Variants in GABRB1 observed in about 807,000 individuals in gnomAD.
GABRB1 encodes the protein gamma-aminobutyric acid type A receptor subunit beta1, also known as gamma-aminobutyric acid receptor subunit beta-1.
A neutral mutation model predicts 51.6 loss-of-function variants in GABRB1; 17 were observed. The observed-to-expected ratio is 0.33, with a 90% CI of 0.23 to 0.49. The LOEUF (loss-of-function observed/expected upper bound fraction) is 0.49, where lower values mean the gene tolerates loss of function less well. Among genes scored for constraint, GABRB1 ranks in the 20% least tolerant of loss-of-function variants. The pLI is 0.99. For synonymous variants in GABRB1, 247 were observed against 218.9 expected (o/e 1.13, Z -1.14); for missense variants, 410 against 600.6 (o/e 0.68, Z 3.32).
rs151262351 is a variant in GABRB1, at chr4:47,055,634, G to A, written c.240+23150G>A. Among the ~76,000 whole-genome samples, 746 of 152,206 alleles carry A rather than the reference G, an allele frequency of 4.9e-3. 5 individuals carry two copies. Among genetic ancestry groups the A allele is most frequent in the Middle Eastern group, 0.01 (3 of 294 alleles). ...GGGAAGATGTCTCACTTGACACCTG[G>A]GCTTTATTTCTAGGGCCCAAATGGA... is the stretch of plus-strand genomic sequence containing the variant. On this transcript the variant is annotated intron_variant, in intron 3 of 8. Transcript: ENST00000295454.
At chr4:47,294,789 G>A (rs1231303693) in intron 4 of GABRB1, among the ~76,000 whole-genome samples, 12 of 152,190 alleles carry the variant, frequency 7.9e-5, no homozygotes, top group Middle Eastern at 3.2e-3. Context: ...ATCTGAGAAC[G>A]GGCAGACTGC....
chr4:47,329,831 A>G (rs534631797), intron 5 of GABRB1, among the ~76,000 whole-genome samples: 2 of 151,768 alleles, frequency 1.3e-5, no homozygotes, highest in South Asian at 2.1e-4. Flanking sequence ...GATAAGATAT[A>G]TATCTATATA....
At chr4:47,362,425 T>A (rs1726840567) in intron 5 of GABRB1, among the ~76,000 whole-genome samples, 1 of 152,174 alleles carries the variant, frequency 6.6e-6, no homozygotes, top group Admixed American at 6.5e-5. Context: ...AATTTATATC[T>A]GTAATGAGAG....
intron 5 of GABRB1, among the ~76,000 whole-genome samples, chr4:47,329,816 G>T (rs142761015): frequency 4.0e-5 from 6 of 151,430 alleles, no homozygotes; most frequent in African/African-American, 1.5e-4. Context: ...GATAGGTAAA[G>T]TACAGATAAG....
intron 4 of GABRB1, among the ~76,000 whole-genome samples, chr4:47,226,789 G>T (rs1389466726): frequency 6.6e-6 from 1 of 152,012 alleles, no homozygotes; most frequent in Admixed American, 6.6e-5. Flanking sequence ...AATAAAATTT[G>T]GTGAAAATTG....
intron 5 of GABRB1, among the ~76,000 whole-genome samples, chr4:47,329,106 T>G (rs1245598268): frequency 6.6e-6 from 1 of 152,118 alleles, no homozygotes; most frequent in Non-Finnish European, 1.5e-5. Context: ...CATGAGTAGT[T>G]CTATAAAAGT....
At chr4:47,169,585 T>A (rs1014401401) in intron 4 of GABRB1, among the ~76,000 whole-genome samples, 1 of 151,950 alleles carries the variant, frequency 6.6e-6, no homozygotes, top group African/African-American at 2.4e-5. Flanking sequence ...CACTGAAACC[T>A]CTGCCTCCCA....
chr4:47,257,500 TCA>T (rs944945364), intron 4 of GABRB1, among the ~76,000 whole-genome samples: 1 of 151,562 alleles, frequency 6.6e-6, no homozygotes, highest in Admixed American at 6.6e-5. Flanking sequence ...TCTTGAAATC[TCA>T]CAGTTTGACA....
chr4:47,039,534 T>G (rs960755452), intron 3 of GABRB1, among the ~76,000 whole-genome samples: 3 of 152,042 alleles, frequency 2.0e-5, no homozygotes, highest in Non-Finnish European at 4.4e-5. Context: ...ACTGTGGATT[T>G]GAAACATCCA....
At chr4:47,185,315 A>G (rs1166628293) in intron 4 of GABRB1, among the ~76,000 whole-genome samples, 1 of 151,870 alleles carries the variant, frequency 6.6e-6, no homozygotes, top group Non-Finnish European at 1.5e-5. Context: ...GCTCTCCCAG[A>G]AAAAGGTGAC....
chr4:47,005,448 C>A (rs1724360091), intron 1 of GABRB1, among the ~76,000 whole-genome samples: 1 of 151,690 alleles, frequency 6.6e-6, no homozygotes, highest in Non-Finnish European at 1.5e-5. Context: ...AAAAACTGTT[C>A]TTGGTGAGGA....
chr4:47,292,095 C>T (rs1472136296), intron 4 of GABRB1, among the ~76,000 whole-genome samples: 2 of 152,062 alleles, frequency 1.3e-5, no homozygotes, highest in African/African-American at 4.8e-5. Flanking sequence ...TGGGTGGGAC[C>T]CAGTGGGAGG....
chr4:47,342,865 A>C (rs555261749), intron 5 of GABRB1, among the ~76,000 whole-genome samples: 1 of 152,212 alleles, frequency 6.6e-6, no homozygotes, highest in East Asian at 1.9e-4. Flanking sequence ...TATGTAGAGA[A>C]ATGGATCAAT....
At chr4:47,238,737 TA>T (rs1721418980) in intron 4 of GABRB1, among the ~76,000 whole-genome samples, 2 of 152,190 alleles carry the variant, frequency 1.3e-5, no homozygotes, top group African/African-American at 4.8e-5. Context: ...TAAAAAAAAT[TA>T]ATAGAATTCC....
intron 3 of GABRB1, among the ~76,000 whole-genome samples, chr4:47,044,752 T>C (rs62305281): frequency 0.22 from 33,767 of 151,934 alleles, 4,857 homozygotes; most frequent in Middle Eastern, 0.37. Context: ...ATAATAAATA[T>C]AATATTTTTG....
intron 4 of GABRB1, among the ~76,000 whole-genome samples, chr4:47,304,689 C>G (rs1724383451): frequency 6.6e-6 from 1 of 151,920 alleles, no homozygotes; most frequent in Non-Finnish European, 1.5e-5. Flanking sequence ...ATTTGAAGTA[C>G]AAATTGGATT....
chr4:47,334,523 T>G (rs898833537), intron 5 of GABRB1, among the ~76,000 whole-genome samples: 1 of 152,204 alleles, frequency 6.6e-6, no homozygotes, highest in Non-Finnish European at 1.5e-5. Flanking sequence ...TCCAGAAATA[T>G]AGTATCATTA....
At chr4:47,298,113 G>A (rs1025237001) in intron 4 of GABRB1, among the ~76,000 whole-genome samples, 4 of 152,156 alleles carry the variant, frequency 2.6e-5, no homozygotes, top group African/African-American at 9.7e-5. Flanking sequence ...AGCTATCTAT[G>A]ACAAACCCAC....
chr4:47,283,098 G>A (rs1723351728), intron 4 of GABRB1, among the ~76,000 whole-genome samples: 2 of 152,142 alleles, frequency 1.3e-5, no homozygotes, highest in Non-Finnish European at 2.9e-5. Context: ...ATGTCTGTCT[G>A]TATTGTAACA....
Sources: allele counts gnomAD v4.1 joint callset (sites outside exome capture counted in the v4.1 genomes callset), GRCh38; gene constraint gnomAD v4.1.1; transcripts MANE v1.5; gene names NCBI Gene and HGNC (gene_info 2026-07-23, HGNC 2026-07-21).